The following SPDYE4 variants were observed in gnomAD, a reference collection of about 807,000 sequenced individuals.
SPDYE4 encodes the protein speedy/RINGO cell cycle regulator family member E4, also known as speedy protein E4.
A neutral mutation model predicts 37.5 loss-of-function variants in SPDYE4; 30 were observed. That is an observed-to-expected ratio of 0.80 (90% CI 0.60 to 1.09). The LOEUF (loss-of-function observed/expected upper bound fraction) is 1.09. Among genes scored for constraint, SPDYE4 ranks in the 50% least tolerant of loss-of-function variants. SPDYE4 has a pLI of 0.00. For synonymous variants in SPDYE4, 131 were observed against 120.3 expected (o/e 1.09, Z -0.58); for missense variants, 300 against 307.9 (o/e 0.97, Z 0.19).
chr17:8,756,409 G>A lies in SPDYE4; in HGVS notation c.368C>T (p.Ala123Val). 2 of 1,614,040 alleles carry A rather than the reference G, an allele frequency of 1.2e-6. No individual in the cohort carries two copies. The highest frequency in any genetic ancestry group is 1.7e-6 in the Non-Finnish European group (2 of 1,179,948). Residue 123 changes from alanine (A) to valine (V), a missense_variant, in exon 3 of 7, where the codon GCC becomes GTC. By Grantham distance (64) the Ala-to-Val change is moderately conservative (BLOSUM62 0). Coordinates refer to ENST00000689094, the MANE Select transcript of SPDYE4 (RefSeq NM_001394956.1). The stretch of plus-strand genomic sequence containing the variant: ...TGACACCCTCAGGTCTTTGTCCCAG[G>A]CCAGGAATTTTTGAACGACAGGATC... ...LGDPVVQKFL[A>V]WDKDLRVSDK... is the part of the protein sequence containing the mutation.
At chr17:8,747,676 G>C (rs1015253168), downstream of SPDYE4, among the ~76,000 whole-genome samples, 1 of 152,066 alleles carries the variant, frequency 6.6e-6, no homozygotes, top group African/African-American at 2.4e-5. Flanking sequence ...CCTTGATCTC[G>C]CAAGTCATAT....
At chr17:8,752,837 T>A (rs2086738354) in intron 6 of SPDYE4, among the ~76,000 whole-genome samples, 1 of 152,044 alleles carries the variant, frequency 6.6e-6, no homozygotes, top group African/African-American at 2.4e-5. Context: ...CACTCTGTCG[T>A]CCCGGCTGGA....
Position 8,751,153 on chromosome 17 carries a change from A to C in SPDYE4, c.*1129T>G, listed in dbSNP as rs1449427906. Among the ~76,000 whole-genome samples the C allele has an allele frequency of 6.6e-6, 1 of 152,244 alleles. No homozygotes were observed. Among genetic ancestry groups the C allele is most frequent in the Non-Finnish European group, 1.5e-5 (1 of 68,048 alleles). On this transcript the variant is annotated 3_prime_UTR_variant, in exon 7 of 7. Coordinates refer to ENST00000689094, the MANE Select transcript of SPDYE4 (RefSeq NM_001394956.1). ...TCATAACAGTGCTCCCTTCAGCAGC[A>C]CATGTAATAACAGATAAAAAGATTT...
At chr17:8,749,851 T>C (rs1347716196), downstream of SPDYE4, among the ~76,000 whole-genome samples, 3 of 152,238 alleles carry the variant, frequency 2.0e-5, no homozygotes, top group Non-Finnish European at 4.4e-5. Context: ...GTTTATGGTA[T>C]TGGTGACACG....
At position 8,758,415 on chromosome 17, in the gene SPDYE4, A is replaced by G; in HGVS notation, c.-33T>C. 6.5e-7 allele frequency: 1 copy of G among 1,533,820 alleles called. No homozygotes were observed. The highest frequency in any genetic ancestry group is 8.8e-7 in the Non-Finnish European group (1 of 1,130,474). On this transcript the variant is annotated 5_prime_UTR_variant, in exon 1 of 7. Coordinates refer to ENST00000689094, the MANE Select transcript of SPDYE4 (RefSeq NM_001394956.1). Reference sequence around the variant, plus strand: ...CCCAAACACTTTGTTTCTGTCCACAAAACCTAGTCCCTGTTCTGTCCAAAG... The same window carrying G: ...CCCAAACACTTTGTTTCTGTCCACAGAACCTAGTCCCTGTTCTGTCCAAAG...
intron 1 of SPDYE4, among the ~76,000 whole-genome samples, chr17:8,757,930 G>A (rs748389796): frequency 3.3e-5 from 5 of 151,138 alleles, no homozygotes; most frequent in South Asian, 2.1e-4. Flanking sequence ...CTACAGGCAC[G>A]CACCACCATG....
rs763944692 is a variant in SPDYE4 at position 8,753,133 on chromosome 17, G to A, written c.*5C>T. Reference sequence around the variant, plus strand: ...ATGACCTCAGGCCTCCATGTCCCCGGAGCTCTAGGAAATGAGGGTGCGATC... The same window carrying A: ...ATGACCTCAGGCCTCCATGTCCCCGAAGCTCTAGGAAATGAGGGTGCGATC... On this transcript the variant is annotated 3_prime_UTR_variant, in exon 6 of 7. Coordinates refer to ENST00000689094, the MANE Select transcript of SPDYE4 (RefSeq NM_001394956.1). 6.2e-7 allele frequency: 1 copy of A among 1,614,036 alleles called. No individual in the cohort carries two copies. Among genetic ancestry groups the A allele is most frequent in the Admixed American group, 1.7e-5 (1 of 60,014 alleles).
chr17:8,753,850 T>A (rs1192004938), intron 4 of SPDYE4, among the ~76,000 whole-genome samples: 1 of 152,132 alleles, frequency 6.6e-6, no homozygotes, highest in Non-Finnish European at 1.5e-5. Flanking sequence ...ATGCTAAGGA[T>A]GTGTCCTGCC....
chr17:8,753,972 A>G (rs1253242645), intron 4 of SPDYE4, among the ~76,000 whole-genome samples: 1 of 151,876 alleles, frequency 6.6e-6, no homozygotes, highest in Non-Finnish European at 1.5e-5. Flanking sequence ...GTGCATCATA[A>G]GTGCCCCCAA....
chr17:8,751,297 A>G lies in SPDYE4; in HGVS notation c.*985T>C, dbSNP rs2086726866. Among the ~76,000 whole-genome samples, 1 of 152,216 alleles carries G rather than the reference A, an allele frequency of 6.6e-6. No individual in the cohort carries two copies. The highest frequency in any genetic ancestry group is 1.5e-5 in the Non-Finnish European group (1 of 68,024). On this transcript the variant is annotated 3_prime_UTR_variant, in exon 7 of 7. Transcript: ENST00000689094. ...CAACTTCATAAGAACAGTGTCTTTT[A>G]AAAAATACTTGTATTTCTAAACTAG...
At position 8,758,273 on chromosome 17, in the gene SPDYE4, C is replaced by T. The variant is rs2151146546; in HGVS notation, c.109+1G>A. ...ATCGCTTCTCCCTCCAGTCACCTCA[C>T]CTGATGGTCCTGGCACTTCATCATC... On this transcript the variant is annotated splice_donor_variant, in intron 1 of 6. Transcript: ENST00000689094. LOFTEE classifies it high-confidence loss of function. 3.9e-6 allele frequency: 6 copies of T among 1,538,968 alleles called. No homozygotes were observed. Among genetic ancestry groups the T allele is most frequent in the African/African-American group, 2.7e-5 (2 of 72,792 alleles).
chr17:8,758,392 C>T lies in SPDYE4; in HGVS notation c.-10G>A, dbSNP rs2086793244. 3.9e-6 allele frequency: 6 copies of T among 1,550,792 alleles called. No individual in the cohort carries two copies. In the South Asian group the frequency reaches 7.1e-5, roughly 18 times the overall value. On this transcript the variant is annotated 5_prime_UTR_variant, in exon 1 of 7. Transcript: ENST00000689094. Reference sequence around the variant, plus strand: ...CTTGACCACTGGCCATAATCTCTCCCAAACACTTTGTTTCTGTCCACAAAA... The same window carrying T: ...CTTGACCACTGGCCATAATCTCTCCTAAACACTTTGTTTCTGTCCACAAAA...
chr17:8,748,097 C>G (rs2086702702), downstream of SPDYE4, among the ~76,000 whole-genome samples: 1 of 152,150 alleles, frequency 6.6e-6, no homozygotes, highest in Non-Finnish European at 1.5e-5. Context: ...TGCCTGGGTC[C>G]CTCTCATGAC....
At position 8,753,131 on chromosome 17, in the gene SPDYE4, C is replaced by G. The variant is rs775455440; in HGVS notation, c.*7G>C. 9 of 1,613,928 alleles carry G rather than the reference C, an allele frequency of 5.6e-6. No individual in the cohort carries two copies. In the African/African-American group the frequency reaches 9.3e-5, roughly 17 times the overall value. ...CGATGACCTCAGGCCTCCATGTCCCCGGAGCTCTAGGAAATGAGGGTGCGA... is the reference window on the plus strand; with the variant it reads ...CGATGACCTCAGGCCTCCATGTCCCGGGAGCTCTAGGAAATGAGGGTGCGA... On this transcript the variant is annotated 3_prime_UTR_variant, in exon 6 of 7. Transcript: ENST00000689094.
At chr17:8,757,640 G>C in intron 1 of SPDYE4, 148 bp from the exon 2 acceptor site, 1 of 578,858 alleles carries the variant, frequency 1.7e-6, no homozygotes, top group Non-Finnish European at 2.8e-6. Context: ...TTTCTCCTTT[G>C]CTGATCCCCA....
chr17:8,749,007 G>A (rs1054098643), downstream of SPDYE4, among the ~76,000 whole-genome samples: 2 of 152,186 alleles, frequency 1.3e-5, no homozygotes, highest in Admixed American at 6.5e-5. Context: ...CACTAAACAG[G>A]AGATGTGGGC....
In SPDYE4 at chr17:8,757,293, A is replaced by G. The variant is rs2086780380; in HGVS notation, c.309T>C (p.Pro103=). The G allele has an allele frequency of 6.2e-7, 1 of 1,605,602 alleles. No homozygotes were observed. The highest frequency in any genetic ancestry group is 8.5e-7 in the Non-Finnish European group (1 of 1,175,898). ...GCCTGTTGAAGGCCTCGTGGTGCTC[A>G]GGGAGCACGGAGGATGCTCGCTTTC... ...LKRKRASSVL[P]EHHEAFNRLL... Residue 103 remains proline, a synonymous_variant, in exon 2 of 7, where the codon CCT becomes CCC. Transcript: ENST00000689094.
At chr17:8,748,849 T>C (rs180738733), downstream of SPDYE4, among the ~76,000 whole-genome samples, 211 of 152,314 alleles carry the variant, frequency 1.4e-3, no homozygotes, top group Middle Eastern at 3.4e-3. Flanking sequence ...TGGACCCTCA[T>C]TGGATGCAGC....
intron 4 of SPDYE4, 108 bp downstream of exon 4, chr17:8,755,412 G>A: frequency 7.6e-7 from 1 of 1,320,922 alleles, no homozygotes; most frequent in Non-Finnish European, 1.1e-6. Context: ...TATATACAGA[G>A]TAAAGAGGAG....
Sources: gnomAD v4.1 joint callset for allele counts (sites outside exome capture counted in the v4.1 genomes callset) on GRCh38, gnomAD v4.1.1 for gene constraint, MANE v1.5 for transcripts, NCBI Gene and HGNC (gene_info 2026-07-23, HGNC 2026-07-21) for gene names.